COL21A1: variants seen among roughly 807,000 people sequenced by gnomAD.
The protein encoded by COL21A1 is collagen type XXI alpha 1 chain.
COL21A1 carries 149 observed loss-of-function variants against 137.9 expected under a neutral mutation model. That is an observed-to-expected ratio of 1.08 (90% CI 0.95 to 1.24). The LOEUF (loss-of-function observed/expected upper bound fraction) is 1.24. Ranked by LOEUF, COL21A1 falls within the 50% of genes most tolerant of loss-of-function variation. The pLI is 0.00. For missense variants in COL21A1, 1,167 were observed against 1,158.4 expected, an observed-to-expected ratio of 1.01 and a Z score of -0.11; for synonymous variants, 456 against 391.5, an observed-to-expected ratio of 1.16 and a Z score of -1.95.
intron 1 of COL21A1, among the ~76,000 whole-genome samples, chr6:56,363,102 T>C (rs1206137069): frequency 6.6e-6 from 1 of 152,200 alleles, no homozygotes. Flanking sequence ...GCCTTCAAAA[T>C]GAGTGTCCTA....
chr6:56,293,942 C>T lies in COL21A1; in HGVS notation c.-39+100029G>A, dbSNP rs574472667. ...AACTTGAACTGTAACAGCTGAGATG[C>T]GCTAGCGCCTTTTGGAATTTATCCT... On this transcript the variant is annotated intron_variant, in intron 1 of 28. Coordinates refer to the COL21A1 transcript ENST00000370819. Among the ~76,000 whole-genome samples, 7 of 152,230 alleles carry T rather than the reference C, an allele frequency of 4.6e-5. No individual in the cohort carries two copies. In the South Asian group the frequency reaches 6.2e-4, roughly 14 times the overall value.
chr6:56,331,203 T>C (rs1582787458), intron 1 of COL21A1, among the ~76,000 whole-genome samples: 1 of 152,094 alleles, frequency 6.6e-6, no homozygotes, highest in East Asian at 1.9e-4. Context: ...TATTAGTCCA[T>C]TGTTGGATGC....
At chr6:56,112,905 A>T (rs548781852) in intron 16 of COL21A1, among the ~76,000 whole-genome samples, 1 of 152,090 alleles carries the variant, frequency 6.6e-6, no homozygotes, top group East Asian at 1.9e-4. Context: ...GCTGGTCTCA[A>T]ACTCCTGACC....
chr6:56,367,850 G>A (rs1194477080), intron 1 of COL21A1, among the ~76,000 whole-genome samples: 4 of 152,184 alleles, frequency 2.6e-5, no homozygotes, highest in Non-Finnish European at 5.9e-5. Context: ...GGGTAGCTGG[G>A]ACTACAGGCA....
chr6:56,204,185 A>G (rs1779594536), intron 1 of COL21A1, among the ~76,000 whole-genome samples: 2 of 152,096 alleles, frequency 1.3e-5, no homozygotes, highest in Non-Finnish European at 2.9e-5. Context: ...CAAGTGGTCT[A>G]GCTCCGTGGG....
chr6:56,249,245 G>A (rs1051721119), upstream of COL21A1, among the ~76,000 whole-genome samples: 3 of 152,162 alleles, frequency 2.0e-5, no homozygotes, highest in Admixed American at 2.0e-4. Flanking sequence ...GGAGAAATTG[G>A]AACACTCATA....
intron 1 of COL21A1, among the ~76,000 whole-genome samples, chr6:56,224,557 T>C (rs965263822): frequency 6.6e-6 from 1 of 152,090 alleles, no homozygotes; most frequent in African/African-American, 2.4e-5. Context: ...TACTGAATAA[T>C]TCACAGTCTT....
intron 1 of COL21A1, among the ~76,000 whole-genome samples, chr6:56,188,313 A>C (rs1353396757): frequency 6.6e-6 from 1 of 152,240 alleles, no homozygotes; most frequent in Non-Finnish European, 1.5e-5. Flanking sequence ...TGTCCACAGC[A>C]AAAGACTTTA....
chr6:56,226,916 T>G (rs3846925), intron 1 of COL21A1, among the ~76,000 whole-genome samples: 2 of 151,804 alleles, frequency 1.3e-5, no homozygotes, highest in South Asian at 4.1e-4. Context: ...TAGATAAGAT[T>G]CCCATCTCTG....
At chr6:56,077,061 A>T (rs1767304310) in intron 18 of COL21A1, among the ~76,000 whole-genome samples, 1 of 151,488 alleles carries the variant, frequency 6.6e-6, no homozygotes. Flanking sequence ...AAGCCAAAAA[A>T]ACCATAGAAG....
chr6:56,097,129 C>CT (rs1481582043), intron 17 of COL21A1, among the ~76,000 whole-genome samples: 8 of 152,108 alleles, frequency 5.3e-5, no homozygotes, highest in South Asian at 2.1e-4. Flanking sequence ...AATTGCTTTC[C>CT]TAACAGGATG....
chr6:56,132,708 C>T (rs1426943287), intron 12 of COL21A1, among the ~76,000 whole-genome samples: 1 of 152,132 alleles, frequency 6.6e-6, no homozygotes, highest in Non-Finnish European at 1.5e-5. Context: ...TGAATTGTAC[C>T]TCCCACAATT....
At chr6:56,183,259 G>T (rs1015179669) in intron 1 of COL21A1, among the ~76,000 whole-genome samples, 1 of 152,042 alleles carries the variant, frequency 6.6e-6, no homozygotes, top group Admixed American at 6.5e-5. Flanking sequence ...GTACATACCA[G>T]ATAAAGTACA....
At chr6:56,157,030 C>A in intron 9 of COL21A1, 81 bp from the exon 10 acceptor site, 1 of 891,328 alleles carries the variant, frequency 1.1e-6, no homozygotes, top group Non-Finnish European at 1.7e-6. Context: ...AGTTCAAAAC[C>A]AATTCCATTA....
At chr6:56,081,729 A>C in intron 17 of COL21A1, among the ~76,000 whole-genome samples, 1 of 151,896 alleles carries the variant, frequency 6.6e-6, no homozygotes, top group South Asian at 2.1e-4. Context: ...TTCCCATATT[A>C]TGCTGTAATT....
chr6:56,142,592 G>A (rs1217394050), intron 10 of COL21A1, among the ~76,000 whole-genome samples: 1 of 152,098 alleles, frequency 6.6e-6, no homozygotes, highest in Non-Finnish European at 1.5e-5. Context: ...TCAAAAACTG[G>A]AACTTTGATA....
chr6:56,137,546 G>A (rs867384615), intron 12 of COL21A1, among the ~76,000 whole-genome samples: 5 of 152,078 alleles, frequency 3.3e-5, no homozygotes, highest in African/African-American at 1.2e-4. Context: ...GATTACCATT[G>A]AACTACTCAT....
At chr6:56,226,102 T>A (rs933945967) in intron 1 of COL21A1, among the ~76,000 whole-genome samples, 2 of 152,056 alleles carry the variant, frequency 1.3e-5, no homozygotes, top group Non-Finnish European at 2.9e-5. Context: ...AATCCAAATA[T>A]CTTGACTTTT....
chr6:56,363,224 C>A (rs1053064193), intron 1 of COL21A1, among the ~76,000 whole-genome samples: 1 of 152,220 alleles, frequency 6.6e-6, no homozygotes, highest in Non-Finnish European at 1.5e-5. Context: ...CAGGCTTAGG[C>A]CTCGTTCTCC....
Sources: allele counts gnomAD v4.1 joint callset (sites outside exome capture counted in the v4.1 genomes callset), GRCh38; gene constraint gnomAD v4.1.1; transcripts MANE v1.5; gene names NCBI Gene and HGNC (gene_info 2026-07-23, HGNC 2026-07-21).